NPRL3: variants seen among roughly 807,000 people sequenced by gnomAD.
NPRL3 encodes NPR3 like, GATOR1 complex subunit, also known as GATOR1 complex protein NPRL3.
NPRL3 carries 23 observed loss-of-function variants against 57.2 expected under a neutral mutation model. That is an observed-to-expected ratio of 0.40 (90% CI 0.29 to 0.57). The LOEUF is 0.57. NPRL3 is among the 20% of genes least tolerant of loss of function. NPRL3 has a pLI of 0.42. For synonymous variants in NPRL3, 333 were observed against 321.1 expected, an observed-to-expected ratio of 1.04 and a Z score of -0.39; for missense variants, 691 against 767.1, an observed-to-expected ratio of 0.90 and a Z score of 1.17.
At chr16:110,094 A>G (rs1596519514) in intron 7 of NPRL3, among the ~76,000 whole-genome samples, 2 of 151,954 alleles carry the variant, frequency 1.3e-5, no homozygotes, top group Admixed American at 1.3e-4. Context: ...ACATGCAGAA[A>G]CCCCGTCTCT....
Position 123,348 on chromosome 16 carries a change from T to C in NPRL3, c.189-4093A>G, listed in dbSNP as rs558714991. 1.2e-4 allele frequency among the ~76,000 whole-genome samples: 19 copies of C among 152,166 alleles called. No individual in the cohort carries two copies. In the South Asian group the frequency reaches 3.9e-3, roughly 32 times the overall value. ...GAGAAAAAGCCGGGGTGGTGGGAAG[T>C]CTGGGCATTCATGGGGGAACTGGGG... On this transcript the variant is annotated intron_variant, in intron 3 of 13. Transcript: ENST00000611875.
chr16:137,258 T>C (rs1353578100), intron 2 of NPRL3, among the ~76,000 whole-genome samples: 1 of 152,002 alleles, frequency 6.6e-6, no homozygotes, highest in East Asian at 1.9e-4. Context: ...TGAACATTCA[T>C]GATGATGAAA....
In NPRL3 at chr16:85,401, G is replaced by A; in HGVS notation, c.*1304C>T. On this transcript the variant is annotated 3_prime_UTR_variant, in exon 14 of 14. Transcript: ENST00000611875. ...CACTTCCAAACTGTCCGTCCCACAG[G>A]GGACGGGGCTTGCGTCTTGCTGCGA... is the stretch of plus-strand genomic sequence containing the variant. 1 of 1,600,940 alleles carries A rather than the reference G, an allele frequency of 6.2e-7. No individual in the cohort carries two copies. Among genetic ancestry groups the A allele is most frequent in the Non-Finnish European group, 8.5e-7 (1 of 1,172,902 alleles).
At chr16:135,210 G>T (rs1326088445) in intron 2 of NPRL3, among the ~76,000 whole-genome samples, 1 of 152,168 alleles carries the variant, frequency 6.6e-6, no homozygotes, top group Non-Finnish European at 1.5e-5. Context: ...ATCATCATTT[G>T]GCCACGTTGT....
At chr16:97,249 C>T (rs1045415831) in intron 9 of NPRL3, among the ~76,000 whole-genome samples, 1 of 151,192 alleles carries the variant, frequency 6.6e-6, no homozygotes, top group African/African-American at 2.5e-5. Context: ...CTTCTGATTT[C>T]TCCCCGTGCT....
intron 4 of NPRL3, among the ~76,000 whole-genome samples, chr16:117,645 A>T (rs2141958071): frequency 6.6e-6 from 1 of 152,318 alleles, no homozygotes; most frequent in African/African-American, 2.4e-5. Context: ...GGAGAGGGGC[A>T]TAAATGGGTG....
At chr16:121,349 G>A (rs189001329) in intron 3 of NPRL3, among the ~76,000 whole-genome samples, 7 of 152,328 alleles carry the variant, frequency 4.6e-5, no homozygotes, top group Admixed American at 1.3e-4. Context: ...TGGGCCAGGC[G>A]TGGTGGCTCA....
chr16:92,270 A>G (rs551691850), intron 11 of NPRL3, among the ~76,000 whole-genome samples: 1 of 152,298 alleles, frequency 6.6e-6, no homozygotes, highest in South Asian at 2.1e-4. Context: ...AAGGGGTACA[A>G]GGCAGGTCTG....
In NPRL3 at chr16:88,964, C is replaced by T. The variant is rs1898633915; in HGVS notation, c.1352-74G>A. 9 of 1,391,296 alleles carry T rather than the reference C, an allele frequency of 6.5e-6. 1 individual carries two copies. The South Asian group carries it at 1.0e-4, about 16-fold the overall frequency. The allele number at this position is 1,391,296 out of a possible 1,614,324, so 86.2% of individuals were successfully genotyped here. ...AGGGGAACAGCGAGGGCAGAGCCAG[C>T]AGCCAGCCTCCAATGACACCCCTAA... is the stretch of plus-strand genomic sequence containing the variant. On this transcript the variant is annotated intron_variant, in intron 12 of 13. Transcript: ENST00000611875.
chr16:129,251 T>C (rs1900682294), intron 3 of NPRL3, among the ~76,000 whole-genome samples: 1 of 152,136 alleles, frequency 6.6e-6, no homozygotes, highest in Non-Finnish European at 1.5e-5. Context: ...TGCTCTAAGC[T>C]GATCTGTGGC....
At position 98,263 on chromosome 16, in the gene NPRL3, G is replaced by A; in HGVS notation, c.806C>T (p.Ser269Phe). ...HALLLLSDEK[S>F]LLGELPIDCS... ...GTCAATAGGAAGCTCACCCAGCAAG[G>A]ACTTCTCATCACTGAGCAGCAGCAG... The change falls in exon 9 of 14, where the codon TCC becomes TTC. Residue 269 changes from serine to phenylalanine, a missense_variant. Physicochemically the swap from Ser to Phe is radical, Grantham distance 155 (BLOSUM62 -2). Transcript: ENST00000611875. 4 of 1,613,970 alleles carry A rather than the reference G, an allele frequency of 2.5e-6. No homozygotes were observed. Among genetic ancestry groups the A allele is most frequent in the South Asian group, 2.2e-5 (2 of 91,086 alleles).
chr16:102,251 C>T (rs898111792), intron 7 of NPRL3, among the ~76,000 whole-genome samples: 2 of 152,180 alleles, frequency 1.3e-5, no homozygotes, highest in East Asian at 3.9e-4. Context: ...CACCACAAAG[C>T]GCCCTTGCCT....
chr16:86,915 C>G (rs1391428718), intron 13 of NPRL3, 45 bp from the exon 14 acceptor site: 2 of 1,578,880 alleles, frequency 1.3e-6, no homozygotes, highest in South Asian at 1.1e-5. Flanking sequence ...CACCAGCCCC[C>G]AGAGGCCTCT....
rs1317727089 is a variant in NPRL3, at chr16:85,631, C to T, written c.*1074G>A. On this transcript the variant is annotated 3_prime_UTR_variant, in exon 14 of 14. Transcript: ENST00000611875. ...ATGGCTGGAGCGTGGTCCCCTGGAG[C>T]CCAGTGAGCCGGCTGTAGTGGCAGC... The T allele has an allele frequency of 6.3e-7, 1 of 1,595,498 alleles. No homozygotes were observed. The highest frequency in any genetic ancestry group is 2.3e-5 in the East Asian group (1 of 44,400).
At chr16:93,465 T>C (rs1898852140) in intron 9 of NPRL3, 140 bp from the exon 10 acceptor site, 1 of 643,438 alleles carries the variant, frequency 1.6e-6, no homozygotes, top group South Asian at 1.8e-5. Flanking sequence ...ACCTGGTGGC[T>C]ATGGCCCGAG....
chr16:100,522 G>C lies in NPRL3; in HGVS notation c.630-13C>G. 1.3e-6 allele frequency: 2 copies of C among 1,545,740 alleles called. No homozygotes were observed. Among genetic ancestry groups the C allele is most frequent in the Non-Finnish European group, 1.7e-6 (2 of 1,148,806 alleles). On this transcript the variant is annotated splice_polypyrimidine_tract_variant and intron_variant, in intron 7 of 13. Coordinates refer to ENST00000611875, the MANE Select transcript of NPRL3 (RefSeq NM_001077350.3). ...CGACGTGCACAGGCTGCAGAGAGTGGGCGCTGTTACCCGTTCACATAAACT... is the reference window on the plus strand; with the variant it reads ...CGACGTGCACAGGCTGCAGAGAGTGCGCGCTGTTACCCGTTCACATAAACT...
intron 3 of NPRL3, among the ~76,000 whole-genome samples, chr16:130,047 A>C (rs1423465949): frequency 2.0e-5 from 3 of 152,146 alleles, no homozygotes; most frequent in Non-Finnish European, 4.4e-5. Flanking sequence ...AAGAACATCA[A>C]AGAACATCAA....
chr16:95,340 TATATATATATACACACACAC>T (rs1231674716), intron 9 of NPRL3, among the ~76,000 whole-genome samples: 1 of 55,062 alleles, frequency 1.8e-5, no homozygotes, highest in Non-Finnish European at 4.7e-5. Context: ...TATATATATA[TATATATATATACACACACAC>T]ACACACACAC....
chr16:91,622 C>T (rs976922053), intron 11 of NPRL3, among the ~76,000 whole-genome samples: 2 of 152,202 alleles, frequency 1.3e-5, no homozygotes, highest in Non-Finnish European at 2.9e-5. Context: ...TGGCTCAGCT[C>T]CCAGAAACCA....
Sources: gnomAD v4.1 joint callset for allele counts (sites outside exome capture counted in the v4.1 genomes callset) on GRCh38, gnomAD v4.1.1 for gene constraint, MANE v1.5 for transcripts, NCBI Gene and HGNC (gene_info 2026-07-23, HGNC 2026-07-21) for gene names.